The following SLC9C1 variants were observed in gnomAD, a reference collection of about 807,000 sequenced individuals.
The protein encoded by SLC9C1 is sodium/hydrogen exchanger 10.
In SLC9C1, 97 loss-of-function variants were observed where a neutral mutation model predicts 140.9. The observed-to-expected ratio is 0.69, with a 90% CI of 0.58 to 0.82. The LOEUF (loss-of-function observed/expected upper bound fraction) is 0.82, where lower values mean the gene tolerates loss of function less well. Ranked by LOEUF, SLC9C1 falls within the 40% of genes least tolerant of loss-of-function variation. The probability of loss-of-function intolerance (pLI) is 0.00; values close to 1 mark genes in which losing one functional copy is unlikely to be tolerated. For missense variants in SLC9C1, 1,340 were observed against 1,389.3 expected (o/e 0.96, Z 0.56); for synonymous variants, 440 against 442.6 (o/e 0.99, Z 0.07).
At chr3:112,213,624 T>C (rs994613922) in intron 15 of SLC9C1, among the ~76,000 whole-genome samples, 1 of 152,076 alleles carries the variant, frequency 6.6e-6, no homozygotes, top group Non-Finnish European at 1.5e-5. Flanking sequence ...CATTACATAA[T>C]GGTAAAGGGA....
chr3:112,191,359 A>G (rs940047039), intron 20 of SLC9C1, among the ~76,000 whole-genome samples: 2 of 152,136 alleles, frequency 1.3e-5, no homozygotes, highest in Non-Finnish European at 2.9e-5. Flanking sequence ...GCGTTGAGAT[A>G]CATTCTCTCT....
intron 15 of SLC9C1, among the ~76,000 whole-genome samples, chr3:112,216,114 C>T (rs899676365): frequency 6.6e-6 from 1 of 152,114 alleles, no homozygotes; most frequent in Non-Finnish European, 1.5e-5. Flanking sequence ...GAAAGGATTC[C>T]CTATTTAATA....
intron 28 of SLC9C1, among the ~76,000 whole-genome samples, chr3:112,149,117 G>A (rs918862577): frequency 1.4e-4 from 22 of 152,084 alleles, no homozygotes; most frequent in African/African-American, 4.1e-4. Context: ...CTGTGTGAGC[G>A]TGGAGCAGAG....
chr3:112,184,529 G>A (rs1190977129), intron 20 of SLC9C1, among the ~76,000 whole-genome samples: 3 of 151,430 alleles, frequency 2.0e-5, no homozygotes, highest in South Asian at 4.2e-4. Context: ...CCAGCTACTC[G>A]GAAGGCTGAG....
At chr3:112,239,737 A>G in intron 12 of SLC9C1, 103 bp downstream of exon 12, 1 of 1,142,774 alleles carries the variant, frequency 8.8e-7, no homozygotes, top group Non-Finnish European at 1.2e-6. Flanking sequence ...CTTCTCTATC[A>G]ATTACAAATA....
intron 26 of SLC9C1, among the ~76,000 whole-genome samples, chr3:112,163,175 A>T (rs1412695592): frequency 2.8e-5 from 4 of 144,192 alleles, no homozygotes; most frequent in Admixed American, 1.4e-4. Context: ...TTTCTTTATT[A>T]GTCTTGCTAG....
rs1191017277 is a variant in SLC9C1, at chr3:112,178,182, A to C, written c.2919+1349T>G. 2.0e-5 allele frequency among the ~76,000 whole-genome samples: 3 copies of C among 151,520 alleles called. No homozygotes were observed. In the East Asian group the frequency reaches 5.8e-4, roughly 29 times the overall value. ...AGAGACAGAGTCTGGCTCTGTTACC[A>C]GTCTGGAGTGCAGTGGTGCAATCAT... On this transcript the variant is annotated intron_variant, in intron 23 of 28. Transcript: ENST00000305815.
rs1334491961 is a variant in SLC9C1 at position 112,254,579 on chromosome 3, G to A, written c.1197+8345C>T. 2.6e-5 allele frequency among the ~76,000 whole-genome samples: 4 copies of A among 152,098 alleles called. No individual in the cohort carries two copies. In the East Asian group the frequency reaches 7.7e-4, roughly 29 times the overall value. ...TTACCAACAGACTTGCCTTGCAAGAGATCTGGAAAAAAGCACTAAATATAG... is the reference window on the plus strand; with the variant it reads ...TTACCAACAGACTTGCCTTGCAAGAAATCTGGAAAAAAGCACTAAATATAG... On this transcript the variant is annotated intron_variant, in intron 10 of 28. Transcript: ENST00000305815.
intron 26 of SLC9C1, 124 bp downstream of exon 26, chr3:112,167,097 A>G (rs1253361881): frequency 1.0e-6 from 1 of 988,056 alleles, no homozygotes; most frequent in Non-Finnish European, 1.5e-6. Flanking sequence ...AATAGCAAAT[A>G]TGGCAGTTAA....
At chr3:112,155,851 T>A (rs1013458967) in intron 26 of SLC9C1, among the ~76,000 whole-genome samples, 3 of 152,168 alleles carry the variant, frequency 2.0e-5, no homozygotes, top group Admixed American at 2.0e-4. Flanking sequence ...TATTTTATTT[T>A]AATTTTTTTG....
intron 20 of SLC9C1, among the ~76,000 whole-genome samples, chr3:112,193,188 C>T (rs569571663): frequency 2.6e-4 from 40 of 152,234 alleles, no homozygotes; most frequent in South Asian, 8.3e-4. Context: ...ATAGACTTGC[C>T]GGACTGCCTC....
chr3:112,180,551 A>C lies in SLC9C1; in HGVS notation c.2748+13T>G. The C allele has an allele frequency of 6.3e-7, 1 of 1,580,600 alleles. No individual in the cohort carries two copies. Among genetic ancestry groups the C allele is most frequent in the Non-Finnish European group, 8.6e-7 (1 of 1,168,198 alleles). The stretch of plus-strand genomic sequence containing the variant: ...AACAAAAAAACAAAACAAAACAAAA[A>C]CCTCTGCCTTACCTTTACCATGCCT... On this transcript the variant is annotated intron_variant, in intron 22 of 28. Transcript: ENST00000305815.
intron 8 of SLC9C1, among the ~76,000 whole-genome samples, chr3:112,264,990 G>A (rs1403713175): frequency 6.6e-6 from 1 of 151,938 alleles, no homozygotes; most frequent in Admixed American, 6.6e-5. Flanking sequence ...TAATATTGGA[G>A]AGTCACAGTG....
intron 11 of SLC9C1, among the ~76,000 whole-genome samples, chr3:112,240,321 C>A (rs2108216782): frequency 6.6e-6 from 1 of 152,270 alleles, no homozygotes; most frequent in African/African-American, 2.4e-5. Context: ...TCCTTTTTCC[C>A]AGTTTGATAT....
At chr3:112,217,698 T>G (rs1460637878) in intron 14 of SLC9C1, 137 bp from the exon 15 acceptor site, 7 of 672,848 alleles carry the variant, frequency 1.0e-5, no homozygotes, top group Non-Finnish European at 1.6e-5. Context: ...GATGGTTGGA[T>G]TAAGACATTT....
At position 112,264,960 on chromosome 3, in the gene SLC9C1, C is replaced by G. The variant is rs1222381304; in HGVS notation, c.879-617G>C. ...GGATTAACTGTATGAATATTGACAT[C>G]ACTAAGAATGGTGATAGAGTAATAT... On this transcript the variant is annotated intron_variant, in intron 8 of 28. Coordinates refer to ENST00000305815, the MANE Select transcript of SLC9C1 (RefSeq NM_183061.3). Among the ~76,000 whole-genome samples the G allele has an allele frequency of 2.0e-5, 3 of 151,914 alleles. No homozygotes were observed. In the East Asian group the frequency reaches 5.8e-4, roughly 29 times the overall value.
intron 26 of SLC9C1, among the ~76,000 whole-genome samples, chr3:112,164,786 A>G (rs985888810): frequency 4.2e-4 from 64 of 151,756 alleles, no homozygotes; most frequent in African/African-American, 1.5e-3. Context: ...TCTTTGTGGC[A>G]TTCTCTGTAT....
intron 8 of SLC9C1, among the ~76,000 whole-genome samples, chr3:112,265,229 C>A (rs55869871): frequency 0.2 from 30,390 of 151,870 alleles, 3,389 homozygotes; most frequent in Middle Eastern, 0.26. Context: ...GACATCACAA[C>A]TTATAAGGAA....
At chr3:112,158,629 G>A (rs1478623074) in intron 26 of SLC9C1, among the ~76,000 whole-genome samples, 1 of 151,984 alleles carries the variant, frequency 6.6e-6, no homozygotes, top group East Asian at 1.9e-4. Context: ...TTACAATTCA[G>A]TAGTGAACCC....
Sources: gnomAD v4.1 joint callset for allele counts (sites outside exome capture counted in the v4.1 genomes callset) on GRCh38, gnomAD v4.1.1 for gene constraint, MANE v1.5 for transcripts, NCBI Gene and HGNC (gene_info 2026-07-23, HGNC 2026-07-21) for gene names.